Variants in RALGAPA2 observed in about 807,000 individuals in gnomAD.
RALGAPA2 encodes ral GTPase-activating protein subunit alpha-2.
RALGAPA2 carries 139 observed loss-of-function variants against 230.4 expected under a neutral mutation model. The observed-to-expected ratio is 0.60, with a 90% CI of 0.53 to 0.69. RALGAPA2 has a LOEUF of 0.69. Among genes scored for constraint, RALGAPA2 ranks in the 30% least tolerant of loss-of-function variants. RALGAPA2 has a pLI of 0.00. For missense variants in RALGAPA2, 2,163 were observed against 2,276.0 expected (o/e 0.95, Z 1.01); for synonymous variants, 847 against 837.8 (o/e 1.01, Z -0.19).
intron 18 of RALGAPA2, among the ~76,000 whole-genome samples, chr20:20,586,169 A>G (rs931076506): frequency 2.0e-5 from 3 of 152,186 alleles, no homozygotes; most frequent in Non-Finnish European, 4.4e-5. Flanking sequence ...CAGATCCTAC[A>G]TAAAACTTTA....
chr20:20,558,768 G>A (rs1009541049), intron 23 of RALGAPA2, among the ~76,000 whole-genome samples: 3 of 149,438 alleles, frequency 2.0e-5, no homozygotes, highest in East Asian at 2.0e-4. Flanking sequence ...CCAGCTCTTC[G>A]TGGCTTCTGT....
intron 23 of RALGAPA2, among the ~76,000 whole-genome samples, chr20:20,569,568 G>A (rs2064557482): frequency 6.6e-6 from 1 of 152,046 alleles, no homozygotes. Flanking sequence ...GCATTAAGAT[G>A]TAAAAACAAT....
chr20:20,601,453 A>C lies in RALGAPA2; in HGVS notation c.2203+229T>G, dbSNP rs141627554. ...TCTATTTCGCACAAATATCTCACTC[A>C]ATATCAACATCACAAGTTCTTTCTC... On this transcript the variant is annotated intron_variant, in intron 16 of 39. Coordinates refer to ENST00000202677, the MANE Select transcript of RALGAPA2 (RefSeq NM_020343.4). Among the ~76,000 whole-genome samples the C allele has an allele frequency of 2.4e-3, 367 of 152,344 alleles. 1 individual carries two copies. Among genetic ancestry groups the C allele is most frequent in the African/African-American group, 8.3e-3 (344 of 41,586 alleles).
chr20:20,431,988 G>C (rs886746985), intron 37 of RALGAPA2, among the ~76,000 whole-genome samples: 7 of 152,188 alleles, frequency 4.6e-5, no homozygotes, highest in Admixed American at 4.6e-4. Flanking sequence ...TAATGGGAGA[G>C]ATAAATGGGT....
chr20:20,400,440 G>T (rs2059807948), intron 38 of RALGAPA2, among the ~76,000 whole-genome samples: 1 of 152,200 alleles, frequency 6.6e-6, no homozygotes, highest in Non-Finnish European at 1.5e-5. Context: ...CCGTGCAGGG[G>T]CTAAGTGAGC....
intron 38 of RALGAPA2, among the ~76,000 whole-genome samples, chr20:20,399,909 C>T (rs2059796988): frequency 6.6e-6 from 1 of 152,204 alleles, no homozygotes; most frequent in South Asian, 2.1e-4. Flanking sequence ...TCCTTGGATC[C>T]TGGTTACTGA....
Position 20,712,348 on chromosome 20 carries a change from G to A in RALGAPA2, c.106+27C>T. Reference sequence around the variant, plus strand: ...GCAGGTGCCCCTAACCCGGCGCCCCGACCCCCGCGCCCGGCGCGCGCCTCA... The same window carrying A: ...GCAGGTGCCCCTAACCCGGCGCCCCAACCCCCGCGCCCGGCGCGCGCCTCA... On this transcript the variant is annotated intron_variant, in intron 1 of 39. Coordinates refer to ENST00000202677, the MANE Select transcript of RALGAPA2 (RefSeq NM_020343.4). This position sits in a 1 kb window ranked among gnomAD's most constrained non-coding sequence, Gnocchi z 5.5. The A allele has an allele frequency of 7.3e-7, 1 of 1,364,212 alleles. No homozygotes were observed. The highest frequency in any genetic ancestry group is 9.7e-7 in the Non-Finnish European group (1 of 1,030,656). 84.5% of individuals were successfully genotyped at this position (1,364,212 alleles called of 1,614,324 possible). A position where few individuals can be genotyped will look rare whatever the true frequency, so the allele number is the denominator to read the frequency against.
intron 20 of RALGAPA2, among the ~76,000 whole-genome samples, chr20:20,581,972 T>A (rs182789051): frequency 9.8e-5 from 15 of 152,302 alleles, no homozygotes; most frequent in African/African-American, 3.4e-4. Context: ...AACATGAATG[T>A]GCATCCATAA....
intron 37 of RALGAPA2, among the ~76,000 whole-genome samples, chr20:20,451,724 G>A (rs1699347304): frequency 6.6e-6 from 1 of 152,172 alleles, no homozygotes; most frequent in South Asian, 2.1e-4. Flanking sequence ...TAGCACAACT[G>A]ATCCAAAGTT....
At chr20:20,589,996 CTT>C (rs1173340662) in intron 17 of RALGAPA2, among the ~76,000 whole-genome samples, 1 of 150,520 alleles carries the variant, frequency 6.6e-6, no homozygotes, top group Non-Finnish European at 1.5e-5. Context: ...AATTTTTTAA[CTT>C]GACATATAAA....
At chr20:20,434,257 C>A (rs918534986) in intron 37 of RALGAPA2, among the ~76,000 whole-genome samples, 5 of 152,176 alleles carry the variant, frequency 3.3e-5, no homozygotes, top group Admixed American at 1.3e-4. Flanking sequence ...CATGGGAACT[C>A]ATGGGAAATG....
intron 1 of RALGAPA2, among the ~76,000 whole-genome samples, chr20:20,706,590 C>T (rs889043012): frequency 4.6e-5 from 7 of 152,144 alleles, no homozygotes; most frequent in Non-Finnish European, 8.8e-5. Context: ...TGCCCATGCT[C>T]AAATCAAATA....
chr20:20,675,461 C>T (rs2068286853), intron 3 of RALGAPA2, among the ~76,000 whole-genome samples: 1 of 152,134 alleles, frequency 6.6e-6, no homozygotes, highest in Non-Finnish European at 1.5e-5. Flanking sequence ...CTTTCCTTTA[C>T]AGCTATAAAA....
intron 24 of RALGAPA2, among the ~76,000 whole-genome samples, chr20:20,538,988 T>C (rs1420423271): frequency 6.6e-6 from 1 of 152,238 alleles, no homozygotes; most frequent in African/African-American, 2.4e-5. Flanking sequence ...TGTTCTTTTG[T>C]GTCTGACTTC....
chr20:20,624,206 AATCCCAGCT>A, intron 10 of RALGAPA2, among the ~76,000 whole-genome samples: 1 of 152,182 alleles, frequency 6.6e-6, no homozygotes, highest in East Asian at 1.9e-4. Context: ...GCATGCCTGT[AATCCCAGCT>A]ATTTGGGAGG....
intron 9 of RALGAPA2, among the ~76,000 whole-genome samples, chr20:20,632,020 C>T (rs1246870064): frequency 1.3e-5 from 2 of 151,752 alleles, no homozygotes; most frequent in African/African-American, 4.8e-5. Context: ...CCCATTCACA[C>T]ACCCAGCTTT....
intron 23 of RALGAPA2, among the ~76,000 whole-genome samples, chr20:20,558,236 C>T (rs1488828126): frequency 2.6e-5 from 4 of 152,090 alleles, no homozygotes; most frequent in African/African-American, 9.7e-5. Context: ...GAACTTCTGA[C>T]CTCAGGTGAT....
At chr20:20,507,452 C>T (rs963472990) in intron 33 of RALGAPA2, among the ~76,000 whole-genome samples, 51 of 152,160 alleles carry the variant, frequency 3.4e-4, no homozygotes, top group African/African-American at 1.1e-3. Context: ...CAGTGATTCT[C>T]GTGCCTCAGC....
At chr20:20,538,158 A>G (rs1198537610) in intron 24 of RALGAPA2, among the ~76,000 whole-genome samples, 2 of 152,258 alleles carry the variant, frequency 1.3e-5, no homozygotes, top group Non-Finnish European at 2.9e-5. Context: ...TACTGAGGAT[A>G]GCATGGGAGC....
Sources: gnomAD v4.1 joint callset for allele counts (sites outside exome capture counted in the v4.1 genomes callset) on GRCh38, gnomAD v4.1.1 for gene constraint, Gnocchi (gnomAD v3.1) non-coding constraint, MANE v1.5 for transcripts, NCBI Gene and HGNC (gene_info 2026-07-23, HGNC 2026-07-21) for gene names.